The following DAB1 variants were observed in gnomAD, a reference collection of about 807,000 sequenced individuals.
The protein encoded by DAB1 is disabled homolog 1.
In DAB1, 15 loss-of-function variants were observed where a neutral mutation model predicts 64.6. That is an observed-to-expected ratio of 0.23 (90% CI 0.16 to 0.36). The LOEUF (loss-of-function observed/expected upper bound fraction) is 0.36. Among genes scored for constraint, DAB1 ranks in the 10% least tolerant of loss-of-function variants. The pLI, the probability that DAB1 is intolerant of heterozygous loss-of-function variation, is 1.00. For synonymous variants in DAB1, 235 were observed against 251.9 expected, an observed-to-expected ratio of 0.93 and a Z score of 0.64; for missense variants, 596 against 706.7, an observed-to-expected ratio of 0.84 and a Z score of 1.78.
intron 6 of DAB1, among the ~76,000 whole-genome samples, chr1:57,794,404 G>A (rs1320233469): frequency 6.6e-6 from 1 of 152,132 alleles, no homozygotes; most frequent in Non-Finnish European, 1.5e-5. Context: ...ATTGCTTCTT[G>A]TTTTCTGACA....
At chr1:57,675,619 G>A (rs977928274) in intron 6 of DAB1, among the ~76,000 whole-genome samples, 6 of 152,146 alleles carry the variant, frequency 3.9e-5, no homozygotes, top group East Asian at 1.9e-4. Context: ...GAATACCAGC[G>A]CTGCAGTGGA....
At chr1:58,159,565 G>A (rs1312298338) in intron 4 of DAB1, among the ~76,000 whole-genome samples, 15 of 152,094 alleles carry the variant, frequency 9.9e-5, no homozygotes, top group Admixed American at 9.2e-4. Flanking sequence ...ATCTCTCCAC[G>A]CTGTACACTC....
chr1:58,485,638 A>G (rs1371025866), intron 3 of DAB1, among the ~76,000 whole-genome samples: 1 of 151,738 alleles, frequency 6.6e-6, no homozygotes, highest in Non-Finnish European at 1.5e-5. Context: ...CATTTTATAT[A>G]TTTCAGGGCG....
At chr1:58,489,107 G>A (rs540667094) in intron 3 of DAB1, among the ~76,000 whole-genome samples, 1 of 152,322 alleles carries the variant, frequency 6.6e-6, no homozygotes, top group African/African-American at 2.4e-5. Flanking sequence ...AGGACAGTCG[G>A]TGCAGCGCAC....
At chr1:57,598,045 C>T (rs374747590) in intron 7 of DAB1, among the ~76,000 whole-genome samples, 42 of 152,294 alleles carry the variant, frequency 2.8e-4, no homozygotes, top group African/African-American at 7.7e-4. Context: ...TGCAGTGGCA[C>T]GATCTTGGCT....
intron 4 of DAB1, among the ~76,000 whole-genome samples, chr1:58,183,506 T>G (rs1229945575): frequency 1.3e-5 from 2 of 152,200 alleles, no homozygotes; most frequent in African/African-American, 4.8e-5. Context: ...TGTTGACTTG[T>G]GACTTGCAAC....
intron 7 of DAB1, among the ~76,000 whole-genome samples, chr1:57,531,000 A>T (rs1644656905): frequency 6.6e-6 from 1 of 152,184 alleles, no homozygotes. Context: ...CCAGTCAGTG[A>T]GGTGATGAGA....
At chr1:58,233,290 C>T (rs1659863870) in intron 4 of DAB1, among the ~76,000 whole-genome samples, 2 of 152,168 alleles carry the variant, frequency 1.3e-5, no homozygotes, top group Admixed American at 1.3e-4. Flanking sequence ...ATCTCCATAA[C>T]AACTTGATGA....
At chr1:57,027,323 C>A (rs1464299657) in intron 9 of DAB1, among the ~76,000 whole-genome samples, 12 of 152,188 alleles carry the variant, frequency 7.9e-5, no homozygotes, top group Non-Finnish European at 1.5e-4. Flanking sequence ...TAATCACAAA[C>A]AACCCAAGGG....
intron 2 of DAB1, among the ~76,000 whole-genome samples, chr1:57,148,966 C>T (rs1557812476): frequency 6.6e-6 from 1 of 152,104 alleles, no homozygotes; most frequent in African/African-American, 2.4e-5. Context: ...TTTTGTCATC[C>T]CACAAAGAAG....
Position 58,532,417 on chromosome 1 carries a change from C to G in DAB1, n.33-5082G>C, listed in dbSNP as rs187964448. On this transcript the variant is annotated intron_variant and non_coding_transcript_variant, in intron 1 of 20. Coordinates refer to the DAB1 transcript ENST00000485760. ...AACACCTTTCAAATGCTAAAATGGC[C>G]AAAACTGATTTTGCAGTTGTGAAGC... is the stretch of plus-strand genomic sequence containing the variant. 9.7e-4 allele frequency among the ~76,000 whole-genome samples: 147 copies of G among 152,150 alleles called. No individual in the cohort carries two copies. In the Middle Eastern group the frequency reaches 0.01, roughly 11 times the overall value.
intron 14 of DAB1, among the ~76,000 whole-genome samples, chr1:57,001,398 C>T (rs944208576): frequency 6.6e-6 from 1 of 152,204 alleles, no homozygotes; most frequent in African/African-American, 2.4e-5. Context: ...AGCACCTTCG[C>T]CGGGCACACA....
rs1411566421 is a variant in DAB1 at position 57,226,667 on chromosome 1, A to AAAAG, written c.67+64296_67+64297insCTTT. 1.6e-3 allele frequency among the ~76,000 whole-genome samples: 199 copies of AAAAG among 127,484 alleles called. 2 individuals carry two copies. The highest frequency in any genetic ancestry group is 5.6e-3 in the African/African-American group (183 of 32,956). 83.6% of individuals were successfully genotyped at this position (127,484 alleles called of 152,430 possible). A position where few individuals can be genotyped will look rare whatever the true frequency, so the allele number is the denominator to read the frequency against. On this transcript the variant is annotated intron_variant, in intron 2 of 14. Transcript: ENST00000371236. The stretch of plus-strand genomic sequence containing the variant: ...ATCCTGTCACTCAAAAGTGGTTAAA[A>AAAAG]AAAAAATATATATATATATATATAT...
chr1:58,313,425 G>A (rs1199362153), intron 4 of DAB1, among the ~76,000 whole-genome samples: 2 of 152,010 alleles, frequency 1.3e-5, no homozygotes, highest in Non-Finnish European at 2.9e-5. Context: ...ATCCCACAAT[G>A]GCCTAAAGGG....
At chr1:57,698,772 T>G (rs1039263799) in intron 6 of DAB1, among the ~76,000 whole-genome samples, 2 of 152,192 alleles carry the variant, frequency 1.3e-5, no homozygotes, top group African/African-American at 2.4e-5. Context: ...ACTGGGAGCT[T>G]CTCTTTCTCC....
intron 6 of DAB1, among the ~76,000 whole-genome samples, chr1:57,773,622 A>G (rs2101833383): frequency 6.6e-6 from 1 of 152,030 alleles, no homozygotes; most frequent in East Asian, 1.9e-4. Context: ...TTCTTCTAGG[A>G]GCTTTATCAT....
intron 2 of DAB1, among the ~76,000 whole-genome samples, chr1:57,230,981 T>C (rs1478486161): frequency 6.6e-6 from 1 of 152,064 alleles, no homozygotes. Flanking sequence ...AAAATGCTTG[T>C]CACATATTGA....
chr1:58,337,544 G>A (rs1663148375), intron 4 of DAB1, among the ~76,000 whole-genome samples: 1 of 152,116 alleles, frequency 6.6e-6, no homozygotes, highest in Admixed American at 6.6e-5. Flanking sequence ...TCTTAGCTCT[G>A]CCATTACTAG....
intron 4 of DAB1, among the ~76,000 whole-genome samples, chr1:58,219,746 C>T (rs1461769702): frequency 1.3e-5 from 2 of 152,214 alleles, no homozygotes; most frequent in African/African-American, 2.4e-5. Flanking sequence ...TTGGCCAGAT[C>T]CACCTGTTAC....
Sources: allele counts gnomAD v4.1 joint callset (sites outside exome capture counted in the v4.1 genomes callset), GRCh38; gene constraint gnomAD v4.1.1; transcripts MANE v1.5; gene names NCBI Gene and HGNC (gene_info 2026-07-23, HGNC 2026-07-21).